The following MAST4 variants were observed in gnomAD, a reference collection of about 807,000 sequenced individuals.
MAST4 encodes the protein microtubule-associated serine/threonine-protein kinase 4.
In MAST4, 89 loss-of-function variants were observed where a neutral mutation model predicts 162.7. That is an observed-to-expected ratio of 0.55 (90% confidence interval 0.46 to 0.65). The LOEUF (loss-of-function observed/expected upper bound fraction) is 0.65, where lower values mean the gene tolerates loss of function less well. MAST4 is among the 30% of genes least tolerant of loss of function. The probability of loss-of-function intolerance (pLI) is 0.00; values close to 1 mark genes in which losing one functional copy is unlikely to be tolerated. For synonymous variants in MAST4, 1,479 were observed against 1,361.1 expected (o/e 1.09, Z -1.91); for missense variants, 3,153 against 3,374.0 (o/e 0.93, Z 1.62).
intron 3 of MAST4, among the ~76,000 whole-genome samples, chr5:66,884,654 C>G (rs1182083922): frequency 6.6e-6 from 1 of 152,206 alleles, no homozygotes; most frequent in Non-Finnish European, 1.5e-5. Context: ...ATCCTGGTCT[C>G]AGCTGCCTGA....
chr5:67,001,773 C>T (rs1751324976), intron 4 of MAST4: 1 of 152,198 alleles, frequency 6.6e-6, no homozygotes, highest in Non-Finnish European at 1.5e-5. Flanking sequence ...TTGTGTTCTA[C>T]TCACTGTATC....
chr5:67,104,685 GC>G lies in MAST4; in HGVS notation c.1356+111del. ...GAAATGGAGTTCACATTCCAGAGAAGCAAAAAAGAAGGAAAAAAAAAAAAAA... is the reference window on the plus strand; with the variant it reads ...GAAATGGAGTTCACATTCCAGAGAAGAAAAAAGAAGGAAAAAAAAAAAAAA... On this transcript the variant is annotated intron_variant, in intron 10 of 28. Coordinates refer to ENST00000403625, the MANE Select transcript of MAST4 (RefSeq NM_001164664.2). 7.9e-6 allele frequency: 4 copies of G among 508,664 alleles called. No individual in the cohort carries two copies. In the African/African-American group the frequency reaches 8.7e-5, roughly 11 times the overall value. The allele number at this position is 508,664 out of a possible 1,614,324, so 31.5% of individuals were successfully genotyped here. A position where few individuals can be genotyped will look rare whatever the true frequency, so the allele number is the denominator to read the frequency against.
At chr5:66,713,347 T>C (rs1020954627) in intron 1 of MAST4, among the ~76,000 whole-genome samples, 2 of 152,278 alleles carry the variant, frequency 1.3e-5, no homozygotes, top group South Asian at 4.1e-4. Flanking sequence ...CTGAGACTGA[T>C]GGGACCATAG....
chr5:66,942,708 A>G (rs1166772485), intron 4 of MAST4, among the ~76,000 whole-genome samples: 3 of 152,140 alleles, frequency 2.0e-5, no homozygotes, highest in Admixed American at 1.3e-4. Context: ...TAAAGTAGCC[A>G]TGATCGATGT....
intron 1 of MAST4, among the ~76,000 whole-genome samples, chr5:66,746,304 G>A (rs1049125605): frequency 6.6e-6 from 1 of 152,192 alleles, no homozygotes; most frequent in South Asian, 2.1e-4. Context: ...GGGGATGTAA[G>A]AGGAGGTTAA....
At position 67,153,939 on chromosome 5, in the gene MAST4, A is replaced by G. The variant is rs563869013; in HGVS notation, c.3648+359A>G. Among the ~76,000 whole-genome samples, 31 of 152,376 alleles carry G rather than the reference A, an allele frequency of 2.0e-4. No individual in the cohort carries two copies. The South Asian group carries it at 6.0e-3, about 30-fold the overall frequency. On this transcript the variant is annotated intron_variant, in intron 26 of 28. Coordinates refer to ENST00000403625, the MANE Select transcript of MAST4 (RefSeq NM_001164664.2). ...GTTTCATTCTAGTATACTAGAAGAC[A>G]AAATTGTATTAAACTGTGAGGTTTG...
Position 67,168,905 on chromosome 5 carries a change from CAAAAAA to C in MAST4, c.*1856_*1861del, listed in dbSNP as rs1015000021. The stretch of plus-strand genomic sequence containing the variant: ...CTTTGGGAAAAAGGAAAAAAACAAA[CAAAAAA>C]AGAAAAAGAAAAAAGCCTCCTCCTT... On this transcript the variant is annotated 3_prime_UTR_variant, in exon 29 of 29. Transcript: ENST00000403625. The C allele has an allele frequency of 3.3e-5, 5 of 151,784 alleles. No homozygotes were observed. The East Asian group carries it at 5.8e-4, about 18-fold the overall frequency. The allele number at this position is 151,784 out of a possible 1,614,324, so 9.4% of individuals were successfully genotyped here.
chr5:66,668,298 T>G (rs908002043), intron 1 of MAST4, among the ~76,000 whole-genome samples: 33 of 152,246 alleles, frequency 2.2e-4, no homozygotes, highest in Non-Finnish European at 2.9e-5. Context: ...TTTACAGCCT[T>G]TCTGAGTGTT....
intron 4 of MAST4, chr5:66,963,823 G>C: frequency 1.3e-6 from 1 of 778,506 alleles, no homozygotes; most frequent in South Asian, 1.3e-5. Context: ...GGGCTGCTTT[G>C]TCTTTCTGTT....
intron 3 of MAST4, among the ~76,000 whole-genome samples, chr5:66,878,443 CT>C: frequency 6.6e-6 from 1 of 152,204 alleles, no homozygotes; most frequent in Non-Finnish European, 1.5e-5. Flanking sequence ...AATTCAGCAC[CT>C]TTGGGCAGTG....
intron 4 of MAST4, among the ~76,000 whole-genome samples, chr5:66,908,394 C>T (rs1452823905): frequency 6.6e-6 from 1 of 152,114 alleles, no homozygotes; most frequent in Non-Finnish European, 1.5e-5. Flanking sequence ...CATTGCCAAA[C>T]ACCCTTGGGA....
chr5:66,966,341 G>A (rs2150179755), intron 4 of MAST4, among the ~76,000 whole-genome samples: 1 of 152,314 alleles, frequency 6.6e-6, no homozygotes, highest in East Asian at 1.9e-4. Context: ...TTGAAAAAAT[G>A]CTTATTAAAG....
At chr5:67,104,801 G>A (rs1765415265) in intron 10 of MAST4, among the ~76,000 whole-genome samples, 1 of 152,042 alleles carries the variant, frequency 6.6e-6, no homozygotes, top group Admixed American at 6.6e-5. Context: ...AGGAATCTTA[G>A]GACCCAACAA....
At chr5:66,870,599 CAT>C (rs1160971) in intron 3 of MAST4, among the ~76,000 whole-genome samples, 45,487 of 151,966 alleles carry the variant, frequency 0.3, 7,051 homozygotes, top group East Asian at 0.53. Context: ...TTGCACATCA[CAT>C]GTGCTTTTGT....
chr5:66,946,360 G>A (rs1360669255), intron 4 of MAST4, among the ~76,000 whole-genome samples: 4 of 151,966 alleles, frequency 2.6e-5, no homozygotes, highest in African/African-American at 4.8e-5. Flanking sequence ...TAGCTCTTAC[G>A]AACAAGATAT....
intron 5 of MAST4, among the ~76,000 whole-genome samples, chr5:67,061,889 G>C (rs1277126234): frequency 6.6e-6 from 1 of 151,452 alleles, no homozygotes; most frequent in Middle Eastern, 3.2e-3. Flanking sequence ...AAGGAAGTCT[G>C]TAAGCCAAAT....
chr5:67,160,401 C>G lies in MAST4; in HGVS notation c.3649-55C>G. 2.6e-6 allele frequency: 4 copies of G among 1,542,634 alleles called. No individual in the cohort carries two copies. In the South Asian group the frequency reaches 5.0e-5, roughly 19 times the overall value. ...TGTCTATGAATCTCTCATCTCTGTT[C>G]TGATCTTGCTTCATCACAGCATTTC... On this transcript the variant is annotated intron_variant, in intron 26 of 28. Transcript: ENST00000403625.
intron 27 of MAST4, among the ~76,000 whole-genome samples, 181 bp from the exon 28 acceptor site, chr5:67,162,426 C>G (rs1169998953): frequency 6.6e-6 from 1 of 152,194 alleles, no homozygotes; most frequent in Non-Finnish European, 1.5e-5. Flanking sequence ...CTATTAAATA[C>G]TCTTCCTTTA....
chr5:66,955,367 C>T (rs1357560426), intron 4 of MAST4, among the ~76,000 whole-genome samples: 2 of 151,928 alleles, frequency 1.3e-5, no homozygotes, highest in African/African-American at 4.8e-5. Context: ...GGGCAAGAGG[C>T]AGGAGTGTGC....
Sources: allele counts gnomAD v4.1 joint callset (sites outside exome capture counted in the v4.1 genomes callset), GRCh38; gene constraint gnomAD v4.1.1; transcripts MANE v1.5; gene names NCBI Gene and HGNC (gene_info 2026-07-23, HGNC 2026-07-21).